The following HIVEP1 variants were observed in gnomAD, a reference collection of about 807,000 sequenced individuals.
The protein encoded by HIVEP1 is HIVEP zinc finger 1.
In HIVEP1, 36 loss-of-function variants were observed where a neutral mutation model predicts 180.0. The observed-to-expected ratio is 0.20, with a 90% CI of 0.15 to 0.26. The LOEUF is 0.26. Among genes scored for constraint, HIVEP1 ranks in the 10% least tolerant of loss-of-function variants. The pLI, the probability that HIVEP1 is intolerant of heterozygous loss-of-function variation, is 1.00. For missense variants in HIVEP1, 3,143 were observed against 3,268.7 expected, an observed-to-expected ratio of 0.96 and a Z score of 0.94; for synonymous variants, 1,239 against 1,239.0, an observed-to-expected ratio of 1.00 and a Z score of 0.00.
intron 2 of HIVEP1, among the ~76,000 whole-genome samples, chr6:12,016,829 A>G (rs1295629965): frequency 6.6e-6 from 1 of 152,188 alleles, no homozygotes; most frequent in Non-Finnish European, 1.5e-5. Flanking sequence ...TGAACTCCCT[A>G]GAGACTCACT....
chr6:12,075,565 GT>G (rs1772296687), intron 2 of HIVEP1, among the ~76,000 whole-genome samples: 1 of 146,488 alleles, frequency 6.8e-6, no homozygotes, highest in South Asian at 2.1e-4. Flanking sequence ...TAATCTTTCA[GT>G]TTTTAAAAAA....
At chr6:12,073,473 C>T (rs1048547453) in intron 2 of HIVEP1, among the ~76,000 whole-genome samples, 6 of 152,104 alleles carry the variant, frequency 3.9e-5, no homozygotes, top group African/African-American at 1.4e-4. Context: ...TTTCCAGCTG[C>T]CCCAGACCCC....
chr6:12,171,278 C>A, the HIVEP1 span, among the ~76,000 whole-genome samples: 1 of 152,098 alleles, frequency 6.6e-6, no homozygotes, highest in African/African-American at 2.4e-5. Context: ...TTCTTGAACT[C>A]CTGACCGCAA....
chr6:12,198,828 A>T, the HIVEP1 span, among the ~76,000 whole-genome samples: 2 of 152,244 alleles, frequency 1.3e-5, no homozygotes, highest in African/African-American at 4.8e-5. Flanking sequence ...TGTTAATCTC[A>T]TCTAAAAAAA....
At chr6:12,127,512 T>C (rs1355630121) in intron 4 of HIVEP1, among the ~76,000 whole-genome samples, 1 of 152,278 alleles carries the variant, frequency 6.6e-6, no homozygotes, top group East Asian at 1.9e-4. Context: ...TTGGAAGAAA[T>C]GTCTGGAAAT....
chr6:12,060,559 CCT>C lies in HIVEP1; in HGVS notation c.41-28614_41-28613del, dbSNP rs72009281. ...GTTTCTTGACTGTCATAATGGATGG[CCT>C]CTCTCTCTCTGTCGTTTTTAAGAAA... On this transcript the variant is annotated intron_variant, in intron 2 of 8. Transcript: ENST00000379388. Among the ~76,000 whole-genome samples, 5 of 151,940 alleles carry C rather than the reference CCT, an allele frequency of 3.3e-5. No homozygotes were observed. In the East Asian group the frequency reaches 5.8e-4, roughly 18 times the overall value.
At chr6:12,181,415 G>T in the HIVEP1 span, among the ~76,000 whole-genome samples, 8 of 151,020 alleles carry the variant, frequency 5.3e-5, no homozygotes, top group Middle Eastern at 6.8e-3. Context: ...TTAGAAACAG[G>T]GTCTCACTCT....
chr6:12,190,298 C>T, the HIVEP1 span, among the ~76,000 whole-genome samples: 4 of 152,156 alleles, frequency 2.6e-5, no homozygotes, highest in South Asian at 2.1e-4. Context: ...GTTGAATAAG[C>T]GGGTAGAAAC....
downstream of HIVEP1, among the ~76,000 whole-genome samples, chr6:12,167,112 T>C (rs943650168): frequency 2.0e-5 from 3 of 152,196 alleles, no homozygotes; most frequent in African/African-American, 7.2e-5. Context: ...ATTTTGTTTC[T>C]CAGTTATATT....
rs1053677982 is a variant in HIVEP1, at chr6:12,164,537, C to T, written c.*76C>T. On this transcript the variant is annotated 3_prime_UTR_variant, in exon 9 of 9. Coordinates refer to ENST00000379388, the MANE Select transcript of HIVEP1 (RefSeq NM_002114.4). ...TTTGAAAACCCTCCTTTCCTTAAAG[C>T]ACATTTTTCTGACATAAACTCATGA... is the stretch of plus-strand genomic sequence containing the variant. The T allele has an allele frequency of 4.4e-6, 5 of 1,134,578 alleles. No homozygotes were observed. The highest frequency in any genetic ancestry group is 6.1e-6 in the Non-Finnish European group (5 of 816,686). 70.3% of individuals were successfully genotyped at this position (1,134,578 alleles called of 1,614,324 possible).
At chr6:12,070,639 T>A (rs1376653513) in intron 2 of HIVEP1, among the ~76,000 whole-genome samples, 1 of 152,168 alleles carries the variant, frequency 6.6e-6, no homozygotes. Flanking sequence ...AATATGAAAG[T>A]CTATTATTTA....
the HIVEP1 span, among the ~76,000 whole-genome samples, chr6:12,206,569 AG>A: frequency 6.6e-6 from 1 of 152,202 alleles, no homozygotes; most frequent in Non-Finnish European, 1.5e-5. Flanking sequence ...GGCCTGGAAT[AG>A]CTCCTTCCCT....
intron 3 of HIVEP1, among the ~76,000 whole-genome samples, chr6:12,108,680 C>T (rs376700611): frequency 6.6e-6 from 1 of 152,218 alleles, no homozygotes; most frequent in South Asian, 2.1e-4. Context: ...CCGGCTGCTC[C>T]GAGTGCGGGG....
chr6:12,151,008 G>A (rs910701472), intron 7 of HIVEP1, among the ~76,000 whole-genome samples: 4 of 152,146 alleles, frequency 2.6e-5, no homozygotes, highest in East Asian at 1.9e-4. Flanking sequence ...TTGCGACTCC[G>A]ACTCTTCCAG....
chr6:12,150,266 A>G (rs984131168), intron 7 of HIVEP1, among the ~76,000 whole-genome samples: 1 of 152,222 alleles, frequency 6.6e-6, no homozygotes, highest in African/African-American at 2.4e-5. Flanking sequence ...TTTTGTGTCA[A>G]AATTCAAGCC....
At chr6:12,009,483 C>T (rs1422432700), upstream of HIVEP1, among the ~76,000 whole-genome samples, 1 of 152,186 alleles carries the variant, frequency 6.6e-6, no homozygotes, top group African/African-American at 2.4e-5. Flanking sequence ...TTTTTGGGGG[C>T]AGAGAATGGT....
At chr6:12,082,164 C>CAG (rs966758839) in intron 2 of HIVEP1, among the ~76,000 whole-genome samples, 63 of 152,216 alleles carry the variant, frequency 4.1e-4, no homozygotes, top group African/African-American at 1.5e-3. Flanking sequence ...ATTAACCCAA[C>CAG]AGAACCACTT....
intron 7 of HIVEP1, among the ~76,000 whole-genome samples, chr6:12,148,108 A>G (rs932877318): frequency 6.6e-6 from 1 of 152,246 alleles, no homozygotes; most frequent in Middle Eastern, 3.2e-3. Context: ...AATGATTACT[A>G]TATTAGACAT....
At chr6:12,022,781 G>A (rs998302401) in intron 2 of HIVEP1, among the ~76,000 whole-genome samples, 3 of 152,150 alleles carry the variant, frequency 2.0e-5, no homozygotes, top group Non-Finnish European at 4.4e-5. Context: ...TGCATTTTAG[G>A]CTTCTCATGT....
Sources: allele counts gnomAD v4.1 joint callset (sites outside exome capture counted in the v4.1 genomes callset), GRCh38; gene constraint gnomAD v4.1.1; transcripts MANE v1.5; gene names NCBI Gene and HGNC (gene_info 2026-07-23, HGNC 2026-07-21).